The following ENOX1 variants were observed in gnomAD, a reference collection of about 807,000 sequenced individuals.
ENOX1 encodes ecto-NOX disulfide-thiol exchanger 1.
A neutral mutation model predicts 82.5 loss-of-function variants in ENOX1; 42 were observed. That is an observed-to-expected ratio of 0.51 (90% confidence interval 0.40 to 0.66). The LOEUF (loss-of-function observed/expected upper bound fraction) is 0.66. ENOX1 is among the 30% of genes least tolerant of loss of function. The probability of loss-of-function intolerance (pLI) is 0.00; values close to 1 mark genes in which losing one functional copy is unlikely to be tolerated. For missense variants in ENOX1, 608 were observed against 811.6 expected, an observed-to-expected ratio of 0.75 and a Z score of 3.05; for synonymous variants, 271 against 282.2, an observed-to-expected ratio of 0.96 and a Z score of 0.40.
At chr13:43,226,542 G>T (rs2042031631) in intron 15 of ENOX1, among the ~76,000 whole-genome samples, 1 of 152,218 alleles carries the variant, frequency 6.6e-6, no homozygotes, top group South Asian at 2.1e-4. Flanking sequence ...TTTGTTGAAT[G>T]AGAGAGTAAG....
Position 43,236,617 on chromosome 13 carries a change from G to T in ENOX1, c.1714+19C>A. On this transcript the variant is annotated intron_variant, in intron 15 of 16. Transcript: ENST00000690772. ...ATAATTATTTAAGAGAACAGATGAAGAAAACAGAATTTCCTTACCTATTAG... is the reference window on the plus strand; with the variant it reads ...ATAATTATTTAAGAGAACAGATGAATAAAACAGAATTTCCTTACCTATTAG... The T allele has an allele frequency of 6.8e-7, 1 of 1,463,570 alleles. No individual in the cohort carries two copies. 90.7% of individuals were successfully genotyped at this position (1,463,570 alleles called of 1,614,324 possible).
intron 3 of ENOX1, among the ~76,000 whole-genome samples, chr13:43,472,989 T>C (rs2058133365): frequency 6.6e-6 from 1 of 152,024 alleles, no homozygotes; most frequent in Non-Finnish European, 1.5e-5. Context: ...TAAAAGGGAG[T>C]AGAATTTCTT....
At chr13:43,417,235 C>CAGGAGAGGGAGAGGGAGA (rs1566170193) in intron 3 of ENOX1, among the ~76,000 whole-genome samples, 22 of 18,320 alleles carry the variant, frequency 1.2e-3, no homozygotes, top group Non-Finnish European at 9.4e-3. Flanking sequence ...AGACGGGAGA[C>CAGGAGAGGGAGAGGGAGA]GGGAGACGGG....
intron 14 of ENOX1, among the ~76,000 whole-genome samples, chr13:43,245,686 T>C (rs1341144282): frequency 6.6e-6 from 1 of 152,184 alleles, no homozygotes; most frequent in Non-Finnish European, 1.5e-5. Context: ...CTCTGCCCTT[T>C]CCCAGCAGCC....
At chr13:43,344,066 C>T (rs1280031079) in intron 9 of ENOX1, among the ~76,000 whole-genome samples, 1 of 152,112 alleles carries the variant, frequency 6.6e-6, no homozygotes, top group Non-Finnish European at 1.5e-5. Flanking sequence ...TTTTGACAGC[C>T]ACAGCTCCCC....
chr13:43,720,372 C>T (rs1424439456), intron 1 of ENOX1, among the ~76,000 whole-genome samples: 1 of 152,212 alleles, frequency 6.6e-6, no homozygotes, highest in Non-Finnish European at 1.5e-5. Flanking sequence ...CCGTTCAATG[C>T]CTCTCTCTAT....
intron 5 of ENOX1, among the ~76,000 whole-genome samples, chr13:43,376,631 G>T (rs2051653514): frequency 6.6e-6 from 1 of 152,194 alleles, no homozygotes; most frequent in African/African-American, 2.4e-5. Flanking sequence ...AGAGTTATAT[G>T]ACTGACACAG....
At chr13:43,386,155 G>A (rs1047369588) in intron 5 of ENOX1, among the ~76,000 whole-genome samples, 1 of 152,118 alleles carries the variant, frequency 6.6e-6, no homozygotes, top group African/African-American at 2.4e-5. Context: ...GACAGAACAA[G>A]ATTCTGTCTC....
At chr13:43,352,171 TG>T (rs2049850429) in intron 8 of ENOX1, among the ~76,000 whole-genome samples, 1 of 152,206 alleles carries the variant, frequency 6.6e-6, no homozygotes, top group Non-Finnish European at 1.5e-5. Context: ...TCCAGTTCTC[TG>T]GAAATTATGA....
chr13:43,346,011 A>T (rs944139558), intron 8 of ENOX1, among the ~76,000 whole-genome samples: 1 of 152,216 alleles, frequency 6.6e-6, no homozygotes, highest in African/African-American at 2.4e-5. Flanking sequence ...CATGCTTGAG[A>T]AAAAGATTTC....
chr13:43,417,102 G>A (rs1319784859), intron 3 of ENOX1, among the ~76,000 whole-genome samples: 3 of 152,302 alleles, frequency 2.0e-5, no homozygotes, highest in South Asian at 2.1e-4. Flanking sequence ...CCAGGCACTC[G>A]GCAGGCCGAG....
intron 3 of ENOX1, among the ~76,000 whole-genome samples, chr13:43,419,915 G>A (rs1407782324): frequency 6.6e-6 from 1 of 152,192 alleles, no homozygotes; most frequent in Non-Finnish European, 1.5e-5. Flanking sequence ...AGGTTGCAGT[G>A]AGCCAAGACC....
At chr13:43,622,741 C>G (rs2082793361) in intron 2 of ENOX1, among the ~76,000 whole-genome samples, 1 of 151,966 alleles carries the variant, frequency 6.6e-6, no homozygotes, top group African/African-American at 2.4e-5. Context: ...AGCCTCCTGC[C>G]AGGAGGTAGC....
At chr13:43,348,889 G>A (rs1308976299) in intron 8 of ENOX1, among the ~76,000 whole-genome samples, 1 of 152,192 alleles carries the variant, frequency 6.6e-6, no homozygotes, top group East Asian at 1.9e-4. Context: ...TGTATGCTGA[G>A]GTTGCTAAAA....
intron 2 of ENOX1, among the ~76,000 whole-genome samples, chr13:43,514,897 C>G (rs2077502626): frequency 6.6e-6 from 1 of 151,988 alleles, no homozygotes; most frequent in African/African-American, 2.4e-5. Flanking sequence ...CAACTGTAGC[C>G]CCCCCTTCCT....
chr13:43,712,431 T>C (rs1466600349), intron 1 of ENOX1, among the ~76,000 whole-genome samples: 2 of 152,140 alleles, frequency 1.3e-5, no homozygotes, highest in Non-Finnish European at 1.5e-5. Flanking sequence ...ATATGAACTT[T>C]AGTTTTTTCC....
chr13:43,244,828 T>C (rs2043005348), intron 14 of ENOX1, among the ~76,000 whole-genome samples: 1 of 152,200 alleles, frequency 6.6e-6, no homozygotes. Flanking sequence ...GCCTGCTTGT[T>C]CCATGGCCTT....
At chr13:43,597,149 C>G (rs539647623) in intron 2 of ENOX1, among the ~76,000 whole-genome samples, 1 of 152,218 alleles carries the variant, frequency 6.6e-6, no homozygotes, top group Non-Finnish European at 1.5e-5. Context: ...ATCAGATAAC[C>G]AGATCTTGTG....
chr13:43,240,270 A>T (rs2042752651), intron 14 of ENOX1, among the ~76,000 whole-genome samples: 1 of 152,230 alleles, frequency 6.6e-6, no homozygotes, highest in South Asian at 2.1e-4. Context: ...AGGATATGGC[A>T]TTCAAACTGA....
Sources: allele counts gnomAD v4.1 joint callset (sites outside exome capture counted in the v4.1 genomes callset), GRCh38; gene constraint gnomAD v4.1.1; transcripts MANE v1.5; gene names NCBI Gene and HGNC (gene_info 2026-07-23, HGNC 2026-07-21).